Variants in SLC28A3 observed in about 807,000 individuals in gnomAD.
SLC28A3 encodes concentrative Na(+)-nucleoside cotransporter 3.
A neutral mutation model predicts 84.2 loss-of-function variants in SLC28A3; 68 were observed. The observed-to-expected ratio is 0.81, with a 90% CI of 0.66 to 0.99. The LOEUF (loss-of-function observed/expected upper bound fraction) is 0.99. Ranked by LOEUF, SLC28A3 falls within the 50% of genes least tolerant of loss-of-function variation. The probability of loss-of-function intolerance (pLI) is 0.00; values close to 1 mark genes in which losing one functional copy is unlikely to be tolerated. For synonymous variants in SLC28A3, 267 were observed against 303.6 expected, an observed-to-expected ratio of 0.88 and a Z score of 1.25; for missense variants, 712 against 841.5, an observed-to-expected ratio of 0.85 and a Z score of 1.90.
At chr9:84,354,410 T>C in the SLC28A3 span, among the ~76,000 whole-genome samples, 2 of 152,254 alleles carry the variant, frequency 1.3e-5, no homozygotes, top group African/African-American at 4.8e-5. Context: ...CTAGGACTTC[T>C]TGTGCTAGAA....
At position 84,286,049 on chromosome 9, in the gene SLC28A3, G is replaced by A. The variant is rs1426973428; in HGVS notation, c.1343C>T (p.Ala448Val). 6.2e-7 allele frequency: 1 copy of A among 1,614,108 alleles called. No individual in the cohort carries two copies. Among genetic ancestry groups the A allele is most frequent in the Non-Finnish European group, 8.5e-7 (1 of 1,179,994 alleles). The part of the protein sequence containing the change: ...QGASSSISLV[A>V]NIAVNLIAFL... ...GGCAATCAGATTCACAGCGATGTTGGCCACCAGGGAGATGGAGGAGGATGC... is the reference window on the plus strand; with the variant it reads ...GGCAATCAGATTCACAGCGATGTTGACCACCAGGGAGATGGAGGAGGATGC... The change falls in exon 13 of 18, where the codon GCC (alanine) becomes GTC (valine). Residue 448 changes from alanine (A) to valine (V), a missense_variant. Coordinates refer to ENST00000376238, the MANE Select transcript of SLC28A3 (RefSeq NM_001199633.2).
chr9:84,347,204 TAAAAA>T, the SLC28A3 span, among the ~76,000 whole-genome samples: 15 of 62,426 alleles, frequency 2.4e-4, no homozygotes, highest in Non-Finnish European at 3.8e-4. Flanking sequence ...AGACTCTGTC[TAAAAA>T]AAAAAAAAAA....
chr9:84,318,402 T>C (rs978195527), intron 1 of SLC28A3, among the ~76,000 whole-genome samples: 1 of 152,178 alleles, frequency 6.6e-6, no homozygotes, highest in Non-Finnish European at 1.5e-5. Context: ...TTCAGAACAC[T>C]GTTAACATTC....
chr9:84,284,101 C>A (rs79687092), intron 14 of SLC28A3, among the ~76,000 whole-genome samples: 2,631 of 152,254 alleles, frequency 0.017, 73 homozygotes, highest in African/African-American at 0.053. Context: ...GCTGCCAGAA[C>A]GCAGAGCCCG....
intron 3 of SLC28A3, among the ~76,000 whole-genome samples, chr9:84,308,964 G>A (rs1257734883): frequency 1.3e-5 from 2 of 152,192 alleles, no homozygotes; most frequent in Non-Finnish European, 2.9e-5. Context: ...GGTTTTGAGC[G>A]ATCAATTGCT....
chr9:84,301,989 A>G (rs1276759861), intron 5 of SLC28A3, among the ~76,000 whole-genome samples: 1 of 152,192 alleles, frequency 6.6e-6, no homozygotes, highest in African/African-American at 2.4e-5. Context: ...GTTTGTGAGG[A>G]CATTTGGATA....
In SLC28A3 at chr9:84,280,042, G is replaced by T. The variant is rs551280774; in HGVS notation, c.1761C>A (p.Ile587=). 6.2e-7 allele frequency: 1 copy of T among 1,613,804 alleles called. No individual in the cohort carries two copies. Among genetic ancestry groups the T allele is most frequent in the Admixed American group, 1.7e-5 (1 of 59,998 alleles). ...TCAGAGCTCTCACTGCCCCCGAGGC[G>T]ATATCACGCTTTCTGGAAGGAGCCA... ...TSMAPSRKRD[I]ASGAVRALIA... The change falls in exon 16 of 18, where the codon ATC becomes ATA. Residue 587 remains isoleucine (I), a synonymous_variant. Coordinates refer to ENST00000376238, the MANE Select transcript of SLC28A3 (RefSeq NM_001199633.2).
chr9:84,344,845 A>G (rs1343554025), upstream of SLC28A3, among the ~76,000 whole-genome samples: 1 of 152,142 alleles, frequency 6.6e-6, no homozygotes, highest in Admixed American at 6.6e-5. Flanking sequence ...GGACCAAACC[A>G]ATGTATTTCT....
chr9:84,318,590 C>T (rs1196962393), intron 1 of SLC28A3, among the ~76,000 whole-genome samples: 4 of 152,010 alleles, frequency 2.6e-5, no homozygotes, highest in South Asian at 4.2e-4. Context: ...GTTTCCAGGC[C>T]GGGCGTGGTG....
chr9:84,316,943 A>G (rs10120908), intron 1 of SLC28A3, among the ~76,000 whole-genome samples: 25,916 of 151,936 alleles, frequency 0.17, 4,278 homozygotes, highest in African/African-American at 0.44. Context: ...GGAGGTTGCA[A>G]TGAGCCAAGA....
chr9:84,295,489 G>A (rs1160182312), intron 8 of SLC28A3, among the ~76,000 whole-genome samples: 1 of 152,144 alleles, frequency 6.6e-6, no homozygotes, highest in Non-Finnish European at 1.5e-5. Flanking sequence ...GGAGGCTGAG[G>A]CAGGAGGATT....
chr9:84,343,965 C>T (rs949848470), upstream of SLC28A3, among the ~76,000 whole-genome samples: 1 of 152,088 alleles, frequency 6.6e-6, no homozygotes, highest in African/African-American at 2.4e-5. Context: ...GTGGTACGTG[C>T]CTGTAGTCCC....
At position 84,281,681 on chromosome 9, in the gene SLC28A3, C is replaced by T. The variant is rs1278867629; in HGVS notation, c.1648-799G>A. 2.0e-5 allele frequency among the ~76,000 whole-genome samples: 3 copies of T among 152,202 alleles called. No homozygotes were observed. In the East Asian group the frequency reaches 5.8e-4, roughly 29 times the overall value. ...GATTGTACATAAATATATATGGCAG[C>T]TTTATTAAATAGCCTCATGCTGGAA... is the stretch of plus-strand genomic sequence containing the variant. On this transcript the variant is annotated intron_variant, in intron 14 of 17. Transcript: ENST00000376238.
the SLC28A3 span, among the ~76,000 whole-genome samples, chr9:84,368,637 C>G: frequency 6.6e-6 from 1 of 152,068 alleles, no homozygotes; most frequent in African/African-American, 2.4e-5. Flanking sequence ...GTGCCCTATC[C>G]TGCTGTGGCT....
rs1304211785 is a variant in SLC28A3 at position 84,285,352 on chromosome 9, T to C, written c.1640A>G (p.Tyr547Cys). Residue 547 changes from tyrosine to cysteine, a missense_variant, in exon 14 of 18, where the codon TAT (tyrosine) becomes TGT (cysteine). Physicochemically the swap from Tyr to Cys is radical, Grantham distance 194. Coordinates refer to ENST00000376238, the MANE Select transcript of SLC28A3 (RefSeq NM_001199633.2). The part of the protein sequence containing the change: ...GPKFVNGVQQ[Y>C]ISIRSEIIAT... ...ATTAAAATATTTACTCACTGATATA[T>C]ATTGCTGCACACCGTTTACAAATTT... The C allele has an allele frequency of 6.2e-6, 10 of 1,613,918 alleles. No individual in the cohort carries two copies. The highest frequency in any genetic ancestry group is 7.6e-6 in the Non-Finnish European group (9 of 1,179,940).
upstream of SLC28A3, among the ~76,000 whole-genome samples, chr9:84,342,614 C>G (rs539017951): frequency 2.0e-5 from 3 of 150,956 alleles, no homozygotes; most frequent in South Asian, 2.1e-4. Context: ...CTGGGGGCCT[C>G]ACTATGTTGC....
intron 1 of SLC28A3, among the ~76,000 whole-genome samples, chr9:84,326,961 T>A (rs1170014315): frequency 6.6e-6 from 1 of 151,960 alleles, no homozygotes; most frequent in Non-Finnish European, 1.5e-5. Flanking sequence ...CCAAGATAGA[T>A]CATGCCACTG....
intron 5 of SLC28A3, among the ~76,000 whole-genome samples, chr9:84,300,077 C>T (rs1044911426): frequency 2.6e-5 from 4 of 152,180 alleles, no homozygotes; most frequent in African/African-American, 9.7e-5. Context: ...CAGGTGCGAG[C>T]CACCACTCCC....
At chr9:84,301,367 A>AG (rs1564157683) in intron 5 of SLC28A3, among the ~76,000 whole-genome samples, 14 of 150,942 alleles carry the variant, frequency 9.3e-5, no homozygotes, top group African/African-American at 3.4e-4. Context: ...AAAAAAAAAA[A>AG]AAAAAAAGAA....
Sources: gnomAD v4.1 joint callset for allele counts (sites outside exome capture counted in the v4.1 genomes callset) on GRCh38, gnomAD v4.1.1 for gene constraint, MANE v1.5 for transcripts, NCBI Gene and HGNC (gene_info 2026-07-23, HGNC 2026-07-21) for gene names.